Variants in KCNIP4 observed in about 807,000 individuals in gnomAD.
The protein encoded by KCNIP4 is potassium voltage-gated channel interacting protein 4.
In KCNIP4, 12 loss-of-function variants were observed where a neutral mutation model predicts 34.0. That is an observed-to-expected ratio of 0.35 (90% CI 0.23 to 0.57). The LOEUF is 0.57. Among genes scored for constraint, KCNIP4 ranks in the 20% least tolerant of loss-of-function variants. KCNIP4 has a pLI of 0.83. For synonymous variants in KCNIP4, 124 were observed against 102.2 expected, an observed-to-expected ratio of 1.21 and a Z score of -1.29; for missense variants, 238 against 311.7, an observed-to-expected ratio of 0.76 and a Z score of 1.78.
At chr4:21,762,747 G>A (rs1718144637) in intron 1 of KCNIP4, among the ~76,000 whole-genome samples, 1 of 152,118 alleles carries the variant, frequency 6.6e-6, no homozygotes, top group African/African-American at 2.4e-5. Flanking sequence ...TTAGTGGGCT[G>A]GGTCAACGAG....
At chr4:20,880,561 G>T (rs180674708) in intron 2 of KCNIP4, among the ~76,000 whole-genome samples, 1 of 152,146 alleles carries the variant, frequency 6.6e-6, no homozygotes, top group East Asian at 1.9e-4. Context: ...TTATTTGGGG[G>T]CATGGCTTTA....
intron 1 of KCNIP4, among the ~76,000 whole-genome samples, chr4:21,610,852 G>A (rs546765850): frequency 6.4e-4 from 98 of 152,124 alleles, no homozygotes; most frequent in African/African-American, 2.2e-3. Flanking sequence ...AAGCTCTGGA[G>A]TACATGTGCA....
chr4:21,901,108 A>G (rs1302371025), intron 1 of KCNIP4, among the ~76,000 whole-genome samples: 1 of 152,240 alleles, frequency 6.6e-6, no homozygotes, highest in Non-Finnish European at 1.5e-5. Context: ...CAGAAGTTGT[A>G]AAAGTTTTCA....
intron 1 of KCNIP4, among the ~76,000 whole-genome samples, chr4:21,462,068 C>T (rs1729507373): frequency 6.6e-6 from 1 of 151,980 alleles, no homozygotes; most frequent in South Asian, 2.1e-4. Flanking sequence ...ATCCTTTATT[C>T]TAGCTGTTTT....
chr4:21,569,166 A>C (rs976882457), intron 1 of KCNIP4, among the ~76,000 whole-genome samples: 1 of 145,842 alleles, frequency 6.9e-6, no homozygotes, highest in African/African-American at 2.6e-5. Context: ...AAACTAAGAC[A>C]AGCTTTAATG....
intron 1 of KCNIP4, among the ~76,000 whole-genome samples, chr4:21,103,732 C>G: frequency 7.9e-6 from 1 of 126,314 alleles, no homozygotes; most frequent in Non-Finnish European, 1.6e-5. Flanking sequence ...TATCCCTCCC[C>G]CCTCCCCCCA....
chr4:21,077,532 C>CAT (rs146511606), intron 1 of KCNIP4, among the ~76,000 whole-genome samples: 3,543 of 152,150 alleles, frequency 0.023, 123 homozygotes, highest in African/African-American at 0.08. Flanking sequence ...CCAATATTCA[C>CAT]GTTTCATAAT....
chr4:20,791,380 C>G (rs1712735350), intron 3 of KCNIP4, among the ~76,000 whole-genome samples: 2 of 152,100 alleles, frequency 1.3e-5, no homozygotes, highest in African/African-American at 4.8e-5. Flanking sequence ...GTAGTAATCA[C>G]ATGAGTAAAT....
chr4:21,946,816 T>C (rs1351878443), intron 1 of KCNIP4, among the ~76,000 whole-genome samples: 2 of 152,192 alleles, frequency 1.3e-5, no homozygotes, highest in Non-Finnish European at 2.9e-5. Flanking sequence ...GTTCTCTAAA[T>C]AAACAGTGAA....
intron 1 of KCNIP4, among the ~76,000 whole-genome samples, chr4:21,429,624 G>A (rs1726260420): frequency 6.6e-6 from 1 of 152,146 alleles, no homozygotes; most frequent in Non-Finnish European, 1.5e-5. Context: ...AGTTCCTGTT[G>A]CTCCACATCC....
chr4:21,178,382 T>C (rs2109315074), intron 1 of KCNIP4, among the ~76,000 whole-genome samples: 1 of 152,322 alleles, frequency 6.6e-6, no homozygotes, highest in Admixed American at 6.5e-5. Context: ...GCATTGCTTT[T>C]CAAATTTGAA....
At chr4:21,757,211 G>GAA (rs1717674113) in intron 1 of KCNIP4, among the ~76,000 whole-genome samples, 2 of 17,900 alleles carry the variant, frequency 1.1e-4, no homozygotes, top group African/African-American at 6.9e-4. Context: ...AAGAAAGAAA[G>GAA]AAAGAAAGAA....
At chr4:21,601,726 C>T (rs1476451446) in intron 1 of KCNIP4, among the ~76,000 whole-genome samples, 1 of 152,048 alleles carries the variant, frequency 6.6e-6, no homozygotes, top group Non-Finnish European at 1.5e-5. Flanking sequence ...CAAATCACTC[C>T]AACCCAACTG....
At chr4:21,937,890 G>A (rs111430141) in intron 1 of KCNIP4, among the ~76,000 whole-genome samples, 51 of 152,134 alleles carry the variant, frequency 3.4e-4, no homozygotes, top group Middle Eastern at 3.4e-3. Context: ...CATTGACTAC[G>A]TCACCAGTTA....
At chr4:21,147,252 C>T (rs888297699) in intron 1 of KCNIP4, among the ~76,000 whole-genome samples, 2 of 152,046 alleles carry the variant, frequency 1.3e-5, no homozygotes, top group Non-Finnish European at 1.5e-5. Context: ...ATGCCCCCAC[C>T]CCCAAACCTG....
At chr4:21,796,685 T>C (rs10516400) in intron 1 of KCNIP4, among the ~76,000 whole-genome samples, 13,205 of 152,314 alleles carry the variant, frequency 0.087, 685 homozygotes, top group Middle Eastern at 0.14. Flanking sequence ...GACACATCTA[T>C]GTTACTTGAT....
chr4:20,900,633 A>T (rs1178654032), intron 1 of KCNIP4, among the ~76,000 whole-genome samples: 1 of 152,196 alleles, frequency 6.6e-6, no homozygotes, highest in African/African-American at 2.4e-5. Context: ...GGAGACAAGC[A>T]CGTTCAGAAA....
At chr4:21,475,338 G>T (rs922615589) in intron 1 of KCNIP4, among the ~76,000 whole-genome samples, 12 of 152,086 alleles carry the variant, frequency 7.9e-5, no homozygotes, top group Admixed American at 5.2e-4. Context: ...TGAAACTGGG[G>T]CTTAGAGAAG....
chr4:21,069,232 T>G (rs1744678373), intron 1 of KCNIP4, among the ~76,000 whole-genome samples: 1 of 152,182 alleles, frequency 6.6e-6, no homozygotes, highest in Admixed American at 6.5e-5. Context: ...TCTAAGTTTT[T>G]TTTTTTAACG....
Sources: allele counts gnomAD v4.1 joint callset (sites outside exome capture counted in the v4.1 genomes callset), GRCh38; gene constraint gnomAD v4.1.1; transcripts MANE v1.5; gene names NCBI Gene and HGNC (gene_info 2026-07-23, HGNC 2026-07-21).